Variants in KIF16B observed in about 807,000 individuals in gnomAD.
KIF16B encodes the protein kinesin-like protein KIF16B.
In KIF16B, 98 loss-of-function variants were observed where a neutral mutation model predicts 156.3. That is an observed-to-expected ratio of 0.63 (90% confidence interval 0.53 to 0.74). The LOEUF is 0.74. KIF16B is among the 30% of genes least tolerant of loss of function. The probability of loss-of-function intolerance (pLI) is 0.00; values close to 1 mark genes in which losing one functional copy is unlikely to be tolerated. For synonymous variants in KIF16B, 564 were observed against 583.7 expected (o/e 0.97, Z 0.49); for missense variants, 1,421 against 1,606.5 (o/e 0.88, Z 1.97).
chr20:16,562,526 A>G (rs561856735), intron 1 of KIF16B, among the ~76,000 whole-genome samples: 4 of 152,130 alleles, frequency 2.6e-5, no homozygotes, highest in Non-Finnish European at 4.4e-5. Context: ...ACGGATCCCA[A>G]TCCCTCACGA....
At chr20:16,503,938 C>T (rs753204534) in intron 10 of KIF16B, among the ~76,000 whole-genome samples, 25 of 152,148 alleles carry the variant, frequency 1.6e-4, no homozygotes, top group Non-Finnish European at 7.3e-5. Flanking sequence ...AGAACCACCT[C>T]TCTAATAGGT....
intron 4 of KIF16B, 146 bp downstream of exon 4, chr20:16,515,402 C>A: frequency 1.9e-6 from 1 of 521,802 alleles, no homozygotes; most frequent in Non-Finnish European, 3.4e-6. Context: ...AAATTTAGTC[C>A]AACTTATTAC....
intron 5 of KIF16B, among the ~76,000 whole-genome samples, chr20:16,512,028 TC>T (rs1326249867): frequency 6.6e-6 from 1 of 151,998 alleles, no homozygotes; most frequent in African/African-American, 2.4e-5. Flanking sequence ...ACACCTGTAA[TC>T]CCAGCTACTC....
intron 3 of KIF16B, among the ~76,000 whole-genome samples, chr20:16,519,106 C>A (rs1334276707): frequency 6.6e-6 from 1 of 152,170 alleles, no homozygotes; most frequent in Non-Finnish European, 1.5e-5. Flanking sequence ...AAATTTAACA[C>A]ATTTGATTCC....
intron 25 of KIF16B, among the ~76,000 whole-genome samples, chr20:16,285,181 T>C (rs1210642774): frequency 3.3e-5 from 5 of 152,146 alleles, no homozygotes; most frequent in Admixed American, 6.5e-5. Context: ...GCTACTGTAC[T>C]GGATAGCACA....
rs762221171 is a variant in KIF16B at position 16,367,653 on chromosome 20, C to A, written c.3498+2933G>T. Reference sequence around the variant, plus strand: ...CATGAAGAAAGTAAATCATGTCAACCAAGGTAGTCTGGAATTTGGATGACA... The same window carrying A: ...CATGAAGAAAGTAAATCATGTCAACAAAGGTAGTCTGGAATTTGGATGACA... On this transcript the variant is annotated intron_variant, in intron 22 of 25. Transcript: ENST00000354981. 1.2e-5 allele frequency: 20 copies of A among 1,612,602 alleles called. No individual in the cohort carries two copies. The Admixed American group carries it at 3.3e-4, about 27-fold the overall frequency.
intron 15 of KIF16B, among the ~76,000 whole-genome samples, chr20:16,426,075 C>T (rs191824080): frequency 2.6e-5 from 4 of 152,236 alleles, no homozygotes; most frequent in Admixed American, 2.6e-4. Context: ...GAAATCCACC[C>T]ACATGATCCA....
chr20:16,530,655 C>A (rs1318501114), intron 1 of KIF16B, among the ~76,000 whole-genome samples: 2 of 152,130 alleles, frequency 1.3e-5, no homozygotes, highest in Non-Finnish European at 2.9e-5. Context: ...CACCCAGATT[C>A]CTGACCCACA....
chr20:16,273,779 T>C (rs761542026), intron 25 of KIF16B, among the ~76,000 whole-genome samples: 2 of 152,066 alleles, frequency 1.3e-5, no homozygotes, highest in Non-Finnish European at 2.9e-5. Context: ...ACCTGGAAAG[T>C]GCTATCATTG....
At chr20:16,307,487 G>A (rs2063557843) in intron 25 of KIF16B, among the ~76,000 whole-genome samples, 1 of 152,124 alleles carries the variant, frequency 6.6e-6, no homozygotes, top group African/African-American at 2.4e-5. Flanking sequence ...GCACAGCAGG[G>A]AAGATGTGAG....
At chr20:16,440,908 A>G (rs1469852308) in intron 12 of KIF16B, among the ~76,000 whole-genome samples, 2 of 152,222 alleles carry the variant, frequency 1.3e-5, no homozygotes, top group Non-Finnish European at 1.5e-5. Context: ...CCGCTGGCTG[A>G]GCAAATCATC....
intron 24 of KIF16B, among the ~76,000 whole-genome samples, chr20:16,330,665 T>C (rs2208059): frequency 0.72 from 110,066 of 152,092 alleles, 40,589 homozygotes; most frequent in East Asian, 0.96. Flanking sequence ...TATGAGACAA[T>C]GTTGCTCATG....
intron 25 of KIF16B, among the ~76,000 whole-genome samples, chr20:16,296,190 TTC>T (rs2063383596): frequency 1.3e-5 from 2 of 152,214 alleles, no homozygotes; most frequent in African/African-American, 4.8e-5. Context: ...AACATCTGTC[TTC>T]GAACAAGGCA....
intron 23 of KIF16B, among the ~76,000 whole-genome samples, chr20:16,336,280 T>C (rs184700369): frequency 1.1e-4 from 16 of 152,292 alleles, no homozygotes; most frequent in African/African-American, 3.6e-4. Flanking sequence ...TAATTGGTTA[T>C]AAAAAGTGTC....
At chr20:16,384,608 A>G (rs918491397) in intron 17 of KIF16B, among the ~76,000 whole-genome samples, 3 of 152,160 alleles carry the variant, frequency 2.0e-5, no homozygotes, top group Admixed American at 2.0e-4. Context: ...TGAAGAACAC[A>G]TACTCTTGGT....
chr20:16,544,066 T>C (rs6080297), intron 1 of KIF16B, among the ~76,000 whole-genome samples: 20,156 of 152,068 alleles, frequency 0.13, 1,657 homozygotes, highest in South Asian at 0.19. Context: ...ATCCACACGA[T>C]TGCTCTCCAA....
chr20:16,432,420 A>G (rs1468205687), intron 12 of KIF16B, among the ~76,000 whole-genome samples: 1 of 152,164 alleles, frequency 6.6e-6, no homozygotes, highest in Non-Finnish European at 1.5e-5. Context: ...ACACCTCTGT[A>G]ACTCCAACAC....
At chr20:16,306,793 C>T (rs994271404) in intron 25 of KIF16B, among the ~76,000 whole-genome samples, 4 of 152,168 alleles carry the variant, frequency 2.6e-5, no homozygotes, top group Non-Finnish European at 5.9e-5. Flanking sequence ...TCATCTCTAT[C>T]ATCACAGGAC....
At chr20:16,513,553 G>C (rs1344977191) in intron 4 of KIF16B, among the ~76,000 whole-genome samples, 1 of 151,734 alleles carries the variant, frequency 6.6e-6, no homozygotes, top group Non-Finnish European at 1.5e-5. Flanking sequence ...CCAGCTACTG[G>C]GTAGGCTGAG....
Sources: allele counts gnomAD v4.1 joint callset (sites outside exome capture counted in the v4.1 genomes callset), GRCh38; gene constraint gnomAD v4.1.1; transcripts MANE v1.5; gene names NCBI Gene and HGNC (gene_info 2026-07-23, HGNC 2026-07-21).